RANBP17: variants seen among roughly 807,000 people sequenced by gnomAD.
RANBP17 encodes RAN binding protein 17.
RANBP17 carries 158 observed loss-of-function variants against 141.2 expected under a neutral mutation model. The observed-to-expected ratio is 1.12, with a 90% CI of 0.98 to 1.28. RANBP17 has a LOEUF of 1.28. RANBP17 is among the 50% of genes most tolerant of loss of function. The pLI is 0.00. For synonymous variants in RANBP17, 430 were observed against 450.0 expected (o/e 0.96, Z 0.56); for missense variants, 1,438 against 1,290.7 (o/e 1.11, Z -1.75).
intron 3 of RANBP17, among the ~76,000 whole-genome samples, chr5:170,889,859 T>C (rs1769456105): frequency 6.6e-6 from 1 of 152,188 alleles, no homozygotes; most frequent in Admixed American, 6.5e-5. Context: ...AGGAGATTGC[T>C]GATGTTTTAA....
rs1445035600 is a variant in RANBP17, at chr5:171,242,815, C to G, written c.2771C>G (p.Thr924Ser). ...ACATCTATCTCAGAGGGACTCACTA[C>G]TCTTGGTAAGGATCATAGAGGACAT... ...VLTSISEGLT[T>S]LDTVVSSSCC... is the part of the protein sequence containing the mutation. Residue 924 changes from threonine to serine, a missense_variant, in exon 24 of 28, where the codon ACT becomes AGT. By Grantham distance (58) the Thr-to-Ser change is moderately conservative. Transcript: ENST00000523189. 2 of 1,613,524 alleles carry G rather than the reference C, an allele frequency of 1.2e-6. No individual in the cohort carries two copies. The highest frequency in any genetic ancestry group is 2.2e-5 in the South Asian group (2 of 91,052).
intron 14 of RANBP17, among the ~76,000 whole-genome samples, chr5:171,096,634 G>A (rs1262943731): frequency 2.6e-5 from 4 of 152,214 alleles, no homozygotes; most frequent in Non-Finnish European, 5.9e-5. Context: ...AAAAAGATTA[G>A]GATAATAAAT....
chr5:171,067,504 T>C (rs562871023), intron 14 of RANBP17, among the ~76,000 whole-genome samples: 1 of 152,318 alleles, frequency 6.6e-6, no homozygotes, highest in African/African-American at 2.4e-5. Flanking sequence ...AGTTACAGTA[T>C]AATGTTTTCT....
At chr5:171,073,979 A>G (rs1179329981) in intron 14 of RANBP17, among the ~76,000 whole-genome samples, 1 of 152,164 alleles carries the variant, frequency 6.6e-6, no homozygotes, top group Non-Finnish European at 1.5e-5. Context: ...ATCTTCCTTA[A>G]GGAATAATTT....
chr5:170,991,200 T>C (rs997881337), intron 14 of RANBP17, among the ~76,000 whole-genome samples: 4 of 151,950 alleles, frequency 2.6e-5, no homozygotes, highest in Non-Finnish European at 4.4e-5. Context: ...TTTGAAGATT[T>C]TACAGCAGCT....
At chr5:171,147,380 TG>T (rs1245149022) in intron 14 of RANBP17, among the ~76,000 whole-genome samples, 1 of 142,064 alleles carries the variant, frequency 7.0e-6, no homozygotes, top group African/African-American at 2.6e-5. Context: ...TGTGTGTGTG[TG>T]GTTGTTTGTT....
chr5:171,204,041 A>G (rs935405693), intron 19 of RANBP17, among the ~76,000 whole-genome samples: 25 of 152,202 alleles, frequency 1.6e-4, no homozygotes, highest in Non-Finnish European at 3.4e-4. Context: ...AAAAGGCTAT[A>G]TAAAAAGGCA....
intron 14 of RANBP17, among the ~76,000 whole-genome samples, chr5:171,006,688 A>G (rs564098446): frequency 3.1e-4 from 47 of 151,876 alleles, no homozygotes; most frequent in Non-Finnish European, 5.2e-4. Flanking sequence ...TGGCACATGT[A>G]TACATATGTA....
intron 5 of RANBP17, among the ~76,000 whole-genome samples, chr5:170,904,793 G>A (rs1770939581): frequency 6.6e-6 from 1 of 152,094 alleles, no homozygotes; most frequent in African/African-American, 2.4e-5. Context: ...TAAAAATCTT[G>A]TACAGATTTT....
chr5:170,863,704 A>AT (rs1201398561), intron 1 of RANBP17: 1 of 152,168 alleles, frequency 6.6e-6, no homozygotes, highest in African/African-American at 2.4e-5. Flanking sequence ...GAACTTTGGA[A>AT]TTTTTTCATA....
intron 14 of RANBP17, among the ~76,000 whole-genome samples, chr5:170,979,146 A>T (rs1320800961): frequency 6.6e-6 from 1 of 152,220 alleles, no homozygotes; most frequent in Non-Finnish European, 1.5e-5. Flanking sequence ...TAATATGTGC[A>T]TGGGATTAGT....
chr5:171,041,298 T>C (rs563545077), intron 14 of RANBP17, among the ~76,000 whole-genome samples: 1 of 152,170 alleles, frequency 6.6e-6, no homozygotes, highest in Non-Finnish European at 1.5e-5. Flanking sequence ...TCTTCATTTA[T>C]ATTGTGATTC....
chr5:171,090,881 A>G (rs1189147297), intron 14 of RANBP17, among the ~76,000 whole-genome samples: 2 of 152,216 alleles, frequency 1.3e-5, no homozygotes, highest in East Asian at 3.9e-4. Context: ...ACCTCTGCCT[A>G]GACCTCAAAA....
chr5:171,063,906 T>A (rs1179577365), intron 14 of RANBP17, among the ~76,000 whole-genome samples: 2 of 152,220 alleles, frequency 1.3e-5, no homozygotes, highest in Non-Finnish European at 2.9e-5. Flanking sequence ...CCTTGCAGTT[T>A]GATCTCAGAC....
Position 170,882,545 on chromosome 5 carries a change from C to T in RANBP17, c.256+649C>T, listed in dbSNP as rs147700564. ...AGGCTCTGTCACGTGCCCGAGATCA[C>T]ACAACTAGAAAGTAGTAGGGTTATG... is the stretch of plus-strand genomic sequence containing the variant. On this transcript the variant is annotated intron_variant, in intron 3 of 27. Coordinates refer to ENST00000523189, the MANE Select transcript of RANBP17 (RefSeq NM_022897.5). 4.7e-3 allele frequency among the ~76,000 whole-genome samples: 715 copies of T among 152,198 alleles called. 1 individual carries two copies. The highest frequency in any genetic ancestry group is 7.1e-3 in the Non-Finnish European group (483 of 68,008).
At chr5:171,241,241 A>G (rs891360894) in intron 23 of RANBP17, 99 bp downstream of exon 23, 1 of 877,090 alleles carries the variant, frequency 1.1e-6, no homozygotes, top group Non-Finnish European at 1.8e-6. Flanking sequence ...GTTAGCCTAG[A>G]ACATTTTATG....
chr5:171,243,834 G>C (rs1408319216), intron 24 of RANBP17, among the ~76,000 whole-genome samples: 1 of 152,140 alleles, frequency 6.6e-6, no homozygotes, highest in East Asian at 1.9e-4. Flanking sequence ...AGCACTTTGG[G>C]AGGCTGAGGC....
chr5:171,235,389 G>A (rs1305925600), intron 22 of RANBP17, among the ~76,000 whole-genome samples: 1 of 149,848 alleles, frequency 6.7e-6, no homozygotes, highest in Non-Finnish European at 1.5e-5. Context: ...TGAGCCAATA[G>A]CAAACAAACA....
intron 22 of RANBP17, among the ~76,000 whole-genome samples, chr5:171,237,535 C>T (rs1375227197): frequency 2.6e-5 from 4 of 152,176 alleles, no homozygotes; most frequent in South Asian, 2.1e-4. Flanking sequence ...ACCCAGCTTA[C>T]GGATGTTACA....
Sources: allele counts gnomAD v4.1 joint callset (sites outside exome capture counted in the v4.1 genomes callset), GRCh38; gene constraint gnomAD v4.1.1; transcripts MANE v1.5; gene names NCBI Gene and HGNC (gene_info 2026-07-23, HGNC 2026-07-21).